Variants in TANC2 observed in about 807,000 individuals in gnomAD.
TANC2 encodes protein TANC2.
TANC2 carries 26 observed loss-of-function variants against 210.5 expected under a neutral mutation model. That is an observed-to-expected ratio of 0.12 (90% CI 0.09 to 0.17). TANC2 has a LOEUF of 0.17. Ranked by LOEUF, TANC2 falls within the 10% of genes least tolerant of loss-of-function variation. The probability of loss-of-function intolerance (pLI) is 1.00; values close to 1 mark genes in which losing one functional copy is unlikely to be tolerated. For synonymous variants in TANC2, 931 were observed against 967.1 expected (o/e 0.96, Z 0.69); for missense variants, 2,129 against 2,608.9 (o/e 0.82, Z 4.01).
chr17:63,222,791 G>A (rs1355577683), intron 7 of TANC2, among the ~76,000 whole-genome samples: 1 of 151,676 alleles, frequency 6.6e-6, no homozygotes, highest in Non-Finnish European at 1.5e-5. Flanking sequence ...CTAGGCATAG[G>A]CCCAAATGAA....
At chr17:63,200,903 G>A in exon 7 of TANC2, 6 of 1,613,746 alleles carry the variant, frequency 3.7e-6, no homozygotes, top group South Asian at 1.1e-5. Flanking sequence ...CTGCAGCTAT[G>A]GGGCTGTTAC....
At chr17:63,166,832 T>A (rs1345041687) in intron 5 of TANC2, among the ~76,000 whole-genome samples, 1 of 152,166 alleles carries the variant, frequency 6.6e-6, no homozygotes, top group African/African-American at 2.4e-5. Context: ...GTTCGAGTTG[T>A]AAGGGTTTGG....
chr17:63,308,031 C>G (rs1476347700), intron 9 of TANC2, among the ~76,000 whole-genome samples: 1 of 152,164 alleles, frequency 6.6e-6, no homozygotes, highest in Non-Finnish European at 1.5e-5. Context: ...TCCCAAAGTG[C>G]TGGGATTACA....
chr17:63,297,369 A>G (rs1223900088), intron 9 of TANC2, among the ~76,000 whole-genome samples: 1 of 151,416 alleles, frequency 6.6e-6, no homozygotes, highest in Non-Finnish European at 1.5e-5. Flanking sequence ...GAATACACAT[A>G]AAAGACCAAT....
intron 26 of TANC2, among the ~76,000 whole-genome samples, chr17:63,416,467 A>G (rs1334167529): frequency 6.6e-6 from 1 of 152,066 alleles, no homozygotes; most frequent in Admixed American, 6.5e-5. Context: ...TCAATTAAAA[A>G]CTCAGCTGGA....
chr17:63,098,213 T>G (rs973557942), intron 3 of TANC2, among the ~76,000 whole-genome samples: 1 of 152,066 alleles, frequency 6.6e-6, no homozygotes, highest in Non-Finnish European at 1.5e-5. Flanking sequence ...TGATATTACC[T>G]TCCTCCACAA....
chr17:63,422,393 C>G (rs1456646236), exon 28 of TANC2: 1 of 178,594 alleles, frequency 5.6e-6, no homozygotes, highest in Non-Finnish European at 1.2e-5. Flanking sequence ...GCCTTTGCAT[C>G]CTTAGCCAGT....
intron 11 of TANC2, 132 bp from the exon 12 acceptor site, chr17:63,339,969 G>T: frequency 1.5e-6 from 1 of 673,386 alleles, no homozygotes. Context: ...GTTGAGGAAT[G>T]AAGAGACAAA....
At chr17:63,388,596 G>T in intron 15 of TANC2, 39 bp from the exon 16 acceptor site, 3 of 1,560,108 alleles carry the variant, frequency 1.9e-6, no homozygotes, top group East Asian at 2.3e-5. Flanking sequence ...ACTTTTTTTT[G>T]CTGGGCTACT....
intron 4 of TANC2, among the ~76,000 whole-genome samples, chr17:63,110,798 A>G (rs1302731493): frequency 1.3e-5 from 2 of 152,208 alleles, no homozygotes; most frequent in African/African-American, 4.8e-5. Flanking sequence ...CGTTCAAACC[A>G]TAGCACCAAG....
intron 14 of TANC2, among the ~76,000 whole-genome samples, chr17:63,371,420 C>T (rs1291027559): frequency 6.6e-6 from 1 of 150,454 alleles, no homozygotes; most frequent in African/African-American, 2.5e-5. Context: ...GAGCTGAGAT[C>T]ACACCATTGC....
At chr17:63,396,468 G>T in intron 18 of TANC2, 1 of 155,850 alleles carries the variant, frequency 6.4e-6, no homozygotes, top group Non-Finnish European at 1.4e-5. Flanking sequence ...ATTTATTAAT[G>T]ATAATAACAA....
At chr17:63,411,428 G>A in intron 21 of TANC2, 83 bp from the exon 22 acceptor site, 1 of 1,358,908 alleles carries the variant, frequency 7.4e-7, no homozygotes, top group East Asian at 2.3e-5. Flanking sequence ...GTTCTTTGCA[G>A]GAGCATGCCC....
At chr17:63,161,563 C>A (rs1023703792) in intron 5 of TANC2, among the ~76,000 whole-genome samples, 3 of 152,120 alleles carry the variant, frequency 2.0e-5, no homozygotes, top group Non-Finnish European at 4.4e-5. Context: ...AAGTTATCAC[C>A]TTATTCTTGT....
intron 11 of TANC2, among the ~76,000 whole-genome samples, chr17:63,329,721 T>A (rs2045772044): frequency 6.6e-6 from 1 of 152,178 alleles, no homozygotes; most frequent in Non-Finnish European, 1.5e-5. Flanking sequence ...TAATAAATGT[T>A]TTATGTGTTC....
chr17:62,983,052 G>T (rs774031133), intron 1 of TANC2, among the ~76,000 whole-genome samples: 16 of 152,166 alleles, frequency 1.1e-4, no homozygotes, highest in Non-Finnish European at 2.4e-4. Flanking sequence ...ATTGTTTGGG[G>T]TAATCATTTT....
chr17:62,986,473 G>T (rs181782362), intron 1 of TANC2, among the ~76,000 whole-genome samples: 251 of 151,928 alleles, frequency 1.7e-3, no homozygotes, highest in Admixed American at 2.9e-3. Flanking sequence ...CCTTGATTTG[G>T]GTGTAAGCTG....
At chr17:63,099,240 A>C (rs1445736600) in exon 4 of TANC2, 3 of 1,610,392 alleles carry the variant, frequency 1.9e-6, no homozygotes, top group Non-Finnish European at 2.5e-6. Context: ...ACTTCCAGTG[A>C]GTGAAGGTAT....
At chr17:63,274,204 TAA>T (rs756902809) in intron 9 of TANC2, among the ~76,000 whole-genome samples, 3 of 143,434 alleles carry the variant, frequency 2.1e-5, no homozygotes, top group Non-Finnish European at 4.4e-5. Context: ...CTTCATTAGT[TAA>T]AAAGTCCTTT....
Sources: allele counts gnomAD v4.1 joint callset (sites outside exome capture counted in the v4.1 genomes callset), GRCh38; gene constraint gnomAD v4.1.1; transcripts MANE v1.5; gene names NCBI Gene and HGNC (gene_info 2026-07-23, HGNC 2026-07-21).